The following ACSF3 variants were observed in gnomAD, a reference collection of about 807,000 sequenced individuals.
ACSF3 encodes the protein acyl-CoA synthetase family member 3.
In ACSF3, 78 loss-of-function variants were observed where a neutral mutation model predicts 53.2. The ratio of observed to expected loss-of-function variants is 1.47; its 90% CI spans 1.22 to 1.77. ACSF3 has a LOEUF of 1.77. Ranked by LOEUF, ACSF3 falls within the 40% of genes most tolerant of loss-of-function variation. The probability of loss-of-function intolerance (pLI) is 0.00; values close to 1 mark genes in which losing one functional copy is unlikely to be tolerated. For missense variants in ACSF3, 937 were observed against 771.1 expected (o/e 1.22, Z -2.55); for synonymous variants, 414 against 333.1 (o/e 1.24, Z -2.65).
intron 6 of ACSF3, among the ~76,000 whole-genome samples, chr16:89,117,877 C>T (rs575270216): frequency 3.7e-5 from 4 of 108,348 alleles, no homozygotes; most frequent in South Asian, 2.8e-4. Context: ...CACCAATCCC[C>T]GAGTCTTCAG....
At chr16:89,151,342 C>T in intron 10 of ACSF3, 1 of 400,274 alleles carries the variant, frequency 2.5e-6, no homozygotes, top group Admixed American at 2.9e-5. Flanking sequence ...AAACCAGACA[C>T]AGCAAAGTAA....
intron 8 of ACSF3, among the ~76,000 whole-genome samples, chr16:89,143,539 A>T (rs1912295822): frequency 6.6e-6 from 1 of 152,070 alleles, no homozygotes; most frequent in South Asian, 2.1e-4. Flanking sequence ...CGATTAAGAG[A>T]TGCTATTGGA....
chr16:89,124,154 A>ATC (rs1456785819), intron 7 of ACSF3, among the ~76,000 whole-genome samples: 1 of 152,024 alleles, frequency 6.6e-6, no homozygotes, highest in Admixed American at 6.5e-5. Context: ...CCACACAAGT[A>ATC]TCACACACAC....
chr16:89,122,095 G>A (rs1313348002), intron 7 of ACSF3, among the ~76,000 whole-genome samples: 1 of 73,532 alleles, frequency 1.4e-5, no homozygotes, highest in African/African-American at 4.3e-5. Flanking sequence ...TTGTGTGGAG[G>A]GCCGCACAGT....
intron 8 of ACSF3, among the ~76,000 whole-genome samples, chr16:89,133,520 A>G (rs546990903): frequency 6.6e-6 from 1 of 152,284 alleles, no homozygotes; most frequent in South Asian, 2.1e-4. Context: ...CAAGGCTTCT[A>G]CACTGTCCCT....
chr16:89,117,158 AAGTTCTGTGTATTC>A (rs1399201460), intron 6 of ACSF3, among the ~76,000 whole-genome samples: 1 of 152,200 alleles, frequency 6.6e-6, no homozygotes, highest in African/African-American at 2.4e-5. Context: ...TGAGCAGGAC[AAGTTCTGTGTATTC>A]AGAATCTGTC....
intron 4 of ACSF3, among the ~76,000 whole-genome samples, chr16:89,105,015 C>G (rs538856783): frequency 1.3e-3 from 87 of 64,452 alleles, no homozygotes; most frequent in African/African-American, 3.9e-3. Flanking sequence ...CTTCAGGACG[C>G]CTGTAGCCAC....
intron 1 of ACSF3, among the ~76,000 whole-genome samples, chr16:89,097,335 C>A (rs1266899824): frequency 6.6e-6 from 1 of 152,252 alleles, no homozygotes; most frequent in African/African-American, 2.4e-5. Context: ...GAAACAGCTA[C>A]ACACAATGAC....
chr16:89,103,410 G>A (rs1325214469), intron 4 of ACSF3, among the ~76,000 whole-genome samples: 1 of 152,262 alleles, frequency 6.6e-6, no homozygotes, highest in Non-Finnish European at 1.5e-5. Context: ...GCCTCTTGCA[G>A]CTCTGGAGGC....
In ACSF3 at chr16:89,154,920, A is replaced by G. The variant is rs768632997; in HGVS notation, c.*713A>G. On this transcript the variant is annotated 3_prime_UTR_variant, in exon 11 of 11. Coordinates refer to ENST00000614302, the MANE Select transcript of ACSF3 (RefSeq NM_001243279.3). ...CCCCAGCGCAGGGACTTTCCAGGTC[A>G]TCTCCACACCAGCCCCTCAGCCGGT... The G allele has an allele frequency of 2.2e-6, 1 of 453,840 alleles. No homozygotes were observed. The highest frequency in any genetic ancestry group is 1.6e-5 in the South Asian group (1 of 64,464). 28.1% of individuals were successfully genotyped at this position (453,840 alleles called of 1,614,324 possible). A position where few individuals can be genotyped will look rare whatever the true frequency, so the allele number is the denominator to read the frequency against.
chr16:89,146,405 T>G (rs1387460044), intron 10 of ACSF3, among the ~76,000 whole-genome samples: 1 of 152,088 alleles, frequency 6.6e-6, no homozygotes, highest in Non-Finnish European at 1.5e-5. Context: ...GATCCAGGGT[T>G]GACACCAGCT....
Position 89,133,193 on chromosome 16 carries a change from T to G in ACSF3, c.1297T>G (p.Phe433Val). 1 of 1,614,054 alleles carries G rather than the reference T, an allele frequency of 6.2e-7. No homozygotes were observed. The highest frequency in any genetic ancestry group is 8.5e-7 in the Non-Finnish European group (1 of 1,180,014). Residue 433 changes from phenylalanine to valine, a missense_variant, in exon 8 of 11, where the codon TTT (phenylalanine) becomes GTT (valine). By Grantham distance (50) the Phe-to-Val change is conservative. Coordinates refer to ENST00000614302, the MANE Select transcript of ACSF3 (RefSeq NM_001243279.3). ...GELLVRGPSV[F>V]REYWNKPEET... ...GCTGCTGGTGAGGGGACCCTCCGTG[T>G]TTCGAGAATACTGGAATAAACCAGA... is the stretch of plus-strand genomic sequence containing the variant.
chr16:89,102,176 G>A (rs910977255), intron 3 of ACSF3, among the ~76,000 whole-genome samples: 1 of 152,242 alleles, frequency 6.6e-6, no homozygotes, highest in Non-Finnish European at 1.5e-5. Context: ...CGGCTGAGCA[G>A]GTGACGATAA....
chr16:89,102,952 C>G (rs1334118121), intron 4 of ACSF3, among the ~76,000 whole-genome samples, 193 bp downstream of exon 4: 2 of 152,206 alleles, frequency 1.3e-5, no homozygotes, highest in African/African-American at 2.4e-5. Flanking sequence ...CGTGCCAATG[C>G]CGAGACCCTG....
intron 7 of ACSF3, among the ~76,000 whole-genome samples, chr16:89,129,937 C>G (rs1908940235): frequency 6.6e-6 from 1 of 152,160 alleles, no homozygotes; most frequent in Non-Finnish European, 1.5e-5. Flanking sequence ...CAGTGTAATA[C>G]CTGTATTTGT....
intron 4 of ACSF3, among the ~76,000 whole-genome samples, chr16:89,111,861 C>G (rs777234774): frequency 6.6e-6 from 1 of 152,222 alleles, no homozygotes; most frequent in African/African-American, 2.4e-5. Context: ...TCCCGAAGCC[C>G]TTTTCTAGCT....
Position 89,139,739 on chromosome 16 carries a change from C to T in ACSF3, c.1367-5528C>T, listed in dbSNP as rs192085320. Among the ~76,000 whole-genome samples, 507 of 152,006 alleles carry T rather than the reference C, an allele frequency of 3.3e-3. 4 individuals are homozygous for T. Among genetic ancestry groups the T allele is most frequent in the African/African-American group, 0.011 (462 of 41,458 alleles). On this transcript the variant is annotated intron_variant, in intron 8 of 10. Coordinates refer to ENST00000614302, the MANE Select transcript of ACSF3 (RefSeq NM_001243279.3). Reference sequence around the variant, plus strand: ...TCCCGAGAGTAGCTGGGATTACAGGCGCCCACCACCACACCTGGCTGATTT... The same window carrying T: ...TCCCGAGAGTAGCTGGGATTACAGGTGCCCACCACCACACCTGGCTGATTT...
chr16:89,117,752 C>T (rs540545356), intron 6 of ACSF3, among the ~76,000 whole-genome samples: 18 of 152,254 alleles, frequency 1.2e-4, no homozygotes, highest in African/African-American at 2.6e-4. Flanking sequence ...AATCAGAACT[C>T]CTAGGCGAAC....
At chr16:89,098,556 CA>C (rs1402115011) in intron 1 of ACSF3, 34 bp from the exon 2 acceptor site, 1 of 431,910 alleles carries the variant, frequency 2.3e-6, no homozygotes. Context: ...GTTATACACA[CA>C]GCCTGGGACC....
Sources: gnomAD v4.1 joint callset for allele counts (sites outside exome capture counted in the v4.1 genomes callset) on GRCh38, gnomAD v4.1.1 for gene constraint, MANE v1.5 for transcripts, NCBI Gene and HGNC (gene_info 2026-07-23, HGNC 2026-07-21) for gene names.